Variants in ACTR1A observed in about 807,000 individuals in gnomAD.
The protein encoded by ACTR1A is alpha-centractin.
Under a neutral mutation model 50.7 loss-of-function variants are expected in ACTR1A, and 10 were observed. The ratio of observed to expected loss-of-function variants is 0.20; its 90% CI spans 0.12 to 0.33. The LOEUF (loss-of-function observed/expected upper bound fraction) is 0.33. Among genes scored for constraint, ACTR1A ranks in the 10% least tolerant of loss-of-function variants. The probability of loss-of-function intolerance (pLI) is 1.00; values close to 1 mark genes in which losing one functional copy is unlikely to be tolerated. For synonymous variants in ACTR1A, 177 were observed against 184.2 expected (o/e 0.96, Z 0.32); for missense variants, 253 against 491.7 (o/e 0.51, Z 4.59).
chr10:102,481,253 T>C (rs2062139583), intron 9 of ACTR1A, 81 bp from the exon 10 acceptor site: 1 of 1,419,568 alleles, frequency 7.0e-7, no homozygotes, highest in Non-Finnish European at 9.6e-7. Context: ...TTTCTGCCCA[T>C]GGCAGGGGAT....
In ACTR1A at chr10:102,502,615, A is replaced by G; in HGVS notation, c.33T>C (p.Pro11=). ...CGCAACTCACGTTGTCGATCACGAC[A>G]GGCTGGTTGGCGATCACATCGTAGG... MESYDVIANQ[P]VVIDNGSGVI... The change falls in exon 1 of 11, where the codon CCT becomes CCC. Residue 11 remains proline (P), a synonymous_variant. Transcript: ENST00000369905. The G allele has an allele frequency of 3.7e-6, 6 of 1,614,252 alleles. No homozygotes were observed. The highest frequency in any genetic ancestry group is 5.1e-6 in the Non-Finnish European group (6 of 1,180,038).
Position 102,482,368 on chromosome 10 carries a change from C to T in ACTR1A, c.751-193G>A, listed in dbSNP as rs1009646956. On this transcript the variant is annotated intron_variant, in intron 7 of 10. Transcript: ENST00000369905. This position sits in a 1 kb window ranked among gnomAD's most constrained non-coding sequence, Gnocchi z 5.6. The stretch of plus-strand genomic sequence containing the variant: ...TCCTGGAAACTAGTGAGGGGAGGCT[C>T]CTATATTTCCTTCTCGCTCTGGCAT... The T allele has an allele frequency of 1.3e-5, 8 of 599,038 alleles. No homozygotes were observed. The highest frequency in any genetic ancestry group is 4.3e-4 in the Middle Eastern group (1 of 2,348). The allele number at this position is 599,038 out of a possible 1,614,324, so 37.1% of individuals were successfully genotyped here.
chr10:102,483,434 C>T, intron 6 of ACTR1A: 1 of 234,730 alleles, frequency 4.3e-6, no homozygotes, highest in Non-Finnish European at 8.2e-6. Flanking sequence ...TCTGGTCCTA[C>T]CCAGCTCGAG....
At chr10:102,489,495 G>A (rs1320754196) in intron 2 of ACTR1A, among the ~76,000 whole-genome samples, 1 of 152,138 alleles carries the variant, frequency 6.6e-6, no homozygotes, top group Non-Finnish European at 1.5e-5. Flanking sequence ...AGTGTCCTTA[G>A]TCCCCTTCCC....
At position 102,489,098 on chromosome 10, in the gene ACTR1A, G is replaced by T; in HGVS notation, c.154C>A (p.Leu52Ile). 6.3e-7 allele frequency: 1 copy of T among 1,590,178 alleles called. No homozygotes were observed. The change falls in exon 3 of 11, where the codon CTT becomes ATT. Residue 52 changes from leucine (L) to isoleucine (I), a missense_variant. Coordinates refer to ENST00000369905, the MANE Select transcript of ACTR1A (RefSeq NM_005736.4). Reference sequence around the variant, plus strand: ...GGGCCAATGAAGATGTCGCCTTCAAGGGCTCCTGCCATGACACGAACGTGC... The same window carrying T: ...GGGCCAATGAAGATGTCGCCTTCAATGGCTCCTGCCATGACACGAACGTGC... ...PKHVRVMAGA[L>I]EGDIFIGPKA...
At chr10:102,494,118 C>A (rs1344482387) in intron 1 of ACTR1A, among the ~76,000 whole-genome samples, 2 of 152,264 alleles carry the variant, frequency 1.3e-5, no homozygotes, top group South Asian at 2.1e-4. Context: ...CAACTAGGAA[C>A]TGTGTACCTG....
At chr10:102,483,754 G>A in intron 6 of ACTR1A, 1 of 189,116 alleles carries the variant, frequency 5.3e-6, no homozygotes, top group South Asian at 1.0e-4. Context: ...CAGGATTCAA[G>A]CGATTGCTTG....
chr10:102,479,428 A>T lies in ACTR1A; in HGVS notation c.*1435T>A, dbSNP rs544627496. 7.2e-5 allele frequency: 28 copies of T among 388,986 alleles called. No homozygotes were observed. Among genetic ancestry groups the T allele is most frequent in the Non-Finnish European group, 1.3e-4 (26 of 207,884 alleles). 24.1% of individuals were successfully genotyped at this position (388,986 alleles called of 1,614,324 possible). ...CCACACCTGGCAGGGGCCTTTGGTC[A>T]TAGGACGGCGTGGGGGAGAATACTG... On this transcript the variant is annotated 3_prime_UTR_variant, in exon 11 of 11. Coordinates refer to ENST00000369905, the MANE Select transcript of ACTR1A (RefSeq NM_005736.4). The surrounding 1 kb of genome is among the most constrained non-coding windows in gnomAD (Gnocchi z 4.0).
At chr10:102,491,029 A>T (rs902802721) in intron 1 of ACTR1A, among the ~76,000 whole-genome samples, 86 of 152,310 alleles carry the variant, frequency 5.6e-4, no homozygotes, top group African/African-American at 2.1e-3. Flanking sequence ...TATAATATAT[A>T]CATTTATTTG....
chr10:102,481,711 C>G (rs1441653195), intron 9 of ACTR1A, 126 bp downstream of exon 9: 2 of 1,135,952 alleles, frequency 1.8e-6, no homozygotes, highest in Non-Finnish European at 2.6e-6. Context: ...GGCTGGGAAC[C>G]TGGCGCTGCT....
Position 102,488,069 on chromosome 10 carries a change from G to A in ACTR1A, c.315+81C>T, listed in dbSNP as rs767840562. 2.6e-4 allele frequency: 400 copies of A among 1,511,580 alleles called. 1 individual carries two copies. Among genetic ancestry groups the A allele is most frequent in the Middle Eastern group, 2.0e-3 (10 of 4,956 alleles). 93.6% of individuals were successfully genotyped at this position (1,511,580 alleles called of 1,614,324 possible). On this transcript the variant is annotated intron_variant, in intron 4 of 10. Coordinates refer to ENST00000369905, the MANE Select transcript of ACTR1A (RefSeq NM_005736.4). This position sits in a 1 kb window ranked among gnomAD's most constrained non-coding sequence, Gnocchi z 4.4. ...TCCAGCACTCTTGGCAGTGATCATC[G>A]TCCTCCTCATCATCTCTAGGGTAGG...
intron 1 of ACTR1A, among the ~76,000 whole-genome samples, chr10:102,502,320 T>C (rs904602673): frequency 2.0e-5 from 3 of 152,232 alleles, no homozygotes; most frequent in Non-Finnish European, 4.4e-5. Flanking sequence ...GACGGGAATC[T>C]CACACAGCGG....
intron 1 of ACTR1A, among the ~76,000 whole-genome samples, chr10:102,502,167 G>A (rs2062258003): frequency 6.6e-6 from 1 of 152,258 alleles, no homozygotes; most frequent in Non-Finnish European, 1.5e-5. Context: ...AAACAATATG[G>A]CGGCAAGGAA....
intron 1 of ACTR1A, among the ~76,000 whole-genome samples, chr10:102,492,215 C>T (rs948320619): frequency 2.4e-4 from 36 of 150,590 alleles, no homozygotes; most frequent in Non-Finnish European, 4.7e-4. Context: ...GGATTACAGG[C>T]GCGCACCACC....
chr10:102,485,555 T>C (rs1384974728), intron 5 of ACTR1A, 54 bp downstream of exon 5: 2 of 1,606,468 alleles, frequency 1.2e-6, no homozygotes, highest in Non-Finnish European at 1.7e-6. Flanking sequence ...CAGCCTCAGC[T>C]GTGCCAAAGG....
chr10:102,482,792 T>A lies in ACTR1A; in HGVS notation c.750+219A>T, dbSNP rs2135579781. 28 of 519,934 alleles carry A rather than the reference T, an allele frequency of 5.4e-5. No homozygotes were observed. The highest frequency in any genetic ancestry group is 1.3e-4 in the South Asian group (5 of 38,392). The allele number at this position is 519,934 out of a possible 1,614,324, so 32.2% of individuals were successfully genotyped here. A position where few individuals can be genotyped will look rare whatever the true frequency, so the allele number is the denominator to read the frequency against. On this transcript the variant is annotated intron_variant, in intron 7 of 10. Coordinates refer to ENST00000369905, the MANE Select transcript of ACTR1A (RefSeq NM_005736.4). The surrounding 1 kb of genome is among the most constrained non-coding windows in gnomAD (Gnocchi z 5.6). ...ACAGCTGCTGAGCTAAAAAAAAAAA[T>A]TGCAAAAGAATCTCATAATGTTTTA...
intron 1 of ACTR1A, among the ~76,000 whole-genome samples, chr10:102,493,001 C>CAAAAAAAAAAAAA (rs398014648): frequency 0.018 from 903 of 48,814 alleles, 43 homozygotes; most frequent in African/African-American, 0.02. Flanking sequence ...GACTCCACCT[C>CAAAAAAAAAAAAA]AAAAAAAAAA....
In ACTR1A at chr10:102,480,716, A is replaced by C. The variant is rs1310173753; in HGVS notation, c.*147T>G. 2.8e-6 allele frequency: 2 copies of C among 711,964 alleles called. No individual in the cohort carries two copies. The highest frequency in any genetic ancestry group is 2.2e-5 in the Admixed American group (1 of 45,712). 44.1% of individuals were successfully genotyped at this position (711,964 alleles called of 1,614,324 possible). ...TCGTCCTTTCTGGGCCCAGGGTCCC[A>C]GGGCCACACGGCACTCGCATGTGCA... On this transcript the variant is annotated 3_prime_UTR_variant, in exon 11 of 11. Transcript: ENST00000369905.
intron 1 of ACTR1A, among the ~76,000 whole-genome samples, chr10:102,491,319 G>A (rs1056160633): frequency 6.6e-6 from 1 of 152,144 alleles, no homozygotes; most frequent in African/African-American, 2.4e-5. Context: ...GCCACCCTGG[G>A]GTGCTTTTAA....
Sources: gnomAD v4.1 joint callset for allele counts (sites outside exome capture counted in the v4.1 genomes callset) on GRCh38, gnomAD v4.1.1 for gene constraint, Gnocchi (gnomAD v3.1) non-coding constraint, MANE v1.5 for transcripts, NCBI Gene and HGNC (gene_info 2026-07-23, HGNC 2026-07-21) for gene names.